The following ROBO1 variants were observed in gnomAD, a reference collection of about 807,000 sequenced individuals.
ROBO1 encodes roundabout homolog 1.
Under a neutral mutation model 195.9 loss-of-function variants are expected in ROBO1, and 149 were observed. The ratio of observed to expected loss-of-function variants is 0.76; its 90% CI spans 0.67 to 0.87. The LOEUF is 0.87. Ranked by LOEUF, ROBO1 falls within the 40% of genes least tolerant of loss-of-function variation. ROBO1 has a pLI of 0.00. For synonymous variants in ROBO1, 816 were observed against 733.2 expected (o/e 1.11, Z -1.82); for missense variants, 1,933 against 2,068.3 (o/e 0.93, Z 1.27).
At chr3:79,044,766 G>A (rs2078557547) in intron 3 of ROBO1, among the ~76,000 whole-genome samples, 1 of 151,942 alleles carries the variant, frequency 6.6e-6, no homozygotes, top group Admixed American at 6.6e-5. Context: ...TAGATAAAGA[G>A]ACAGCTTTTT....
At chr3:79,240,056 A>G (rs540995729) in intron 2 of ROBO1, among the ~76,000 whole-genome samples, 1 of 152,234 alleles carries the variant, frequency 6.6e-6, no homozygotes, top group South Asian at 2.1e-4. Context: ...TTGTGGTGAG[A>G]ATATTTAAAG....
intron 2 of ROBO1, among the ~76,000 whole-genome samples, chr3:79,249,801 A>T (rs1030529185): frequency 6.6e-6 from 1 of 152,206 alleles, no homozygotes; most frequent in Non-Finnish European, 1.5e-5. Context: ...TAGAAGAAAG[A>T]AGTGTGTACG....
Position 78,746,882 on chromosome 3 carries a change from C to A in ROBO1, c.518G>T (p.Arg173Ile). The stretch of plus-strand genomic sequence containing the variant: ...AACCATGACATCCGAAGGGTTTTGT[C>A]TGAAGTCATCCCGAAGTACTGTAGG... ...LEVAILRDDF[R>I]QNPSDVMVAV... is the part of the protein sequence containing the mutation. The change falls in exon 5 of 31, where the codon AGA (arginine) becomes ATA (isoleucine). Residue 173 changes from arginine to isoleucine, a missense_variant. Transcript: ENST00000464233. 6.4e-7 allele frequency: 1 copy of A among 1,572,672 alleles called. No individual in the cohort carries two copies. Among genetic ancestry groups the A allele is most frequent in the Non-Finnish European group, 8.7e-7 (1 of 1,153,572 alleles).
At chr3:78,854,286 T>A (rs1285511053) in intron 4 of ROBO1, among the ~76,000 whole-genome samples, 2 of 147,746 alleles carry the variant, frequency 1.4e-5, no homozygotes, top group Non-Finnish European at 3.0e-5. Flanking sequence ...CAATATGATG[T>A]ATTATATATA....
chr3:79,654,991 T>C (rs1353822696), intron 1 of ROBO1, among the ~76,000 whole-genome samples: 1 of 152,004 alleles, frequency 6.6e-6, no homozygotes, highest in African/African-American at 2.4e-5. Flanking sequence ...GGAAGTGGGA[T>C]TGGTATTTAG....
chr3:78,676,934 G>C (rs1012505824), intron 10 of ROBO1, among the ~76,000 whole-genome samples: 2 of 152,280 alleles, frequency 1.3e-5, no homozygotes, highest in South Asian at 2.1e-4. Flanking sequence ...AGAAAGGTCA[G>C]GTTACCCACA....
chr3:79,259,161 T>C (rs2082891862), intron 2 of ROBO1, among the ~76,000 whole-genome samples: 1 of 152,126 alleles, frequency 6.6e-6, no homozygotes, highest in African/African-American at 2.4e-5. Context: ...GTTGTTGTTG[T>C]TGAGACAGGG....
intron 4 of ROBO1, among the ~76,000 whole-genome samples, chr3:78,765,414 C>T (rs2083206340): frequency 6.6e-6 from 1 of 151,060 alleles, no homozygotes; most frequent in Non-Finnish European, 1.5e-5. Context: ...ATAAACTTGC[C>T]TTCAATAAAA....
intron 2 of ROBO1, among the ~76,000 whole-genome samples, chr3:79,517,033 A>G (rs2107562537): frequency 6.6e-6 from 1 of 152,272 alleles, no homozygotes; most frequent in African/African-American, 2.4e-5. Context: ...ATCATAGTGT[A>G]TTACCCTCTC....
At chr3:79,097,038 T>C (rs2079583481) in intron 3 of ROBO1, among the ~76,000 whole-genome samples, 1 of 151,746 alleles carries the variant, frequency 6.6e-6, no homozygotes, top group Non-Finnish European at 1.5e-5. Flanking sequence ...CAATTTCTCA[T>C]TATTAGCCTT....
chr3:78,858,085 G>A (rs1052191208), intron 4 of ROBO1, among the ~76,000 whole-genome samples: 4 of 151,970 alleles, frequency 2.6e-5, no homozygotes, highest in Admixed American at 2.6e-4. Flanking sequence ...CCCCACCTTT[G>A]TCAGCCCACA....
Position 78,849,831 on chromosome 3 carries a change from T to TACACACACAC in ROBO1, c.499+88760_499+88769dup, listed in dbSNP as rs576994363. Among the ~76,000 whole-genome samples, 673 of 79,662 alleles carry TACACACACAC rather than the reference T, an allele frequency of 8.4e-3. 8 individuals carry two copies. Among genetic ancestry groups the TACACACACAC allele is most frequent in the African/African-American group, 0.021 (603 of 28,840 alleles). The allele number at this position is 79,662 out of a possible 152,430, so 52.3% of individuals were successfully genotyped here. A position where few individuals can be genotyped will look rare whatever the true frequency, so the allele number is the denominator to read the frequency against. On this transcript the variant is annotated intron_variant, in intron 4 of 30. Transcript: ENST00000464233. ...TTTACAGTCAGTCTCTCTCTCCCAT[T>TACACACACAC]ACACACACACACACACACACACACA...
At chr3:78,684,197 T>C (rs1384050190) in intron 10 of ROBO1, among the ~76,000 whole-genome samples, 1 of 152,116 alleles carries the variant, frequency 6.6e-6, no homozygotes, top group Non-Finnish European at 1.5e-5. Context: ...TTGTGGTCTA[T>C]TTATGAGATG....
At chr3:78,689,736 G>T (rs2081130372) in intron 8 of ROBO1, among the ~76,000 whole-genome samples, 1 of 151,930 alleles carries the variant, frequency 6.6e-6, no homozygotes, top group Non-Finnish European at 1.5e-5. Flanking sequence ...GACAGGGTTT[G>T]TCTACTCCAC....
intron 19 of ROBO1, among the ~76,000 whole-genome samples, chr3:78,649,042 G>GT (rs1200796548): frequency 8.1e-5 from 12 of 147,788 alleles, no homozygotes; most frequent in Non-Finnish European, 1.2e-4. Context: ...ATCCTATTGT[G>GT]TTTTTTTTCA....
At chr3:78,897,681 A>G (rs1279001319) in intron 4 of ROBO1, among the ~76,000 whole-genome samples, 2 of 152,104 alleles carry the variant, frequency 1.3e-5, no homozygotes, top group African/African-American at 4.8e-5. Flanking sequence ...TATTTTTAAA[A>G]GAAAATTATA....
intron 2 of ROBO1, among the ~76,000 whole-genome samples, chr3:79,480,067 C>T (rs1169300646): frequency 1.3e-5 from 2 of 152,020 alleles, no homozygotes; most frequent in African/African-American, 4.8e-5. Flanking sequence ...TACCAAATAC[C>T]GAAAAGGCTT....
intron 2 of ROBO1, among the ~76,000 whole-genome samples, chr3:79,326,117 C>T (rs977938860): frequency 2.0e-5 from 3 of 152,036 alleles, no homozygotes; most frequent in Non-Finnish European, 2.9e-5. Flanking sequence ...TTGGTCAGAC[C>T]GGTTGCTCTC....
intron 2 of ROBO1, among the ~76,000 whole-genome samples, chr3:79,159,403 C>A (rs1055936848): frequency 6.6e-6 from 1 of 151,954 alleles, no homozygotes; most frequent in Non-Finnish European, 1.5e-5. Context: ...GTATCCAAAT[C>A]TTCATTAAAT....
Sources: allele counts gnomAD v4.1 joint callset (sites outside exome capture counted in the v4.1 genomes callset), GRCh38; gene constraint gnomAD v4.1.1; transcripts MANE v1.5; gene names NCBI Gene and HGNC (gene_info 2026-07-23, HGNC 2026-07-21).